Variants in CDH26 observed in about 807,000 individuals in gnomAD.
The protein encoded by CDH26 is cadherin-like protein 26.
A neutral mutation model predicts 90.3 loss-of-function variants in CDH26; 83 were observed. The ratio of observed to expected loss-of-function variants is 0.92; its 90% CI spans 0.77 to 1.10. The LOEUF is 1.10. Among genes scored for constraint, CDH26 ranks in the 50% least tolerant of loss-of-function variants. The pLI, the probability that CDH26 is intolerant of heterozygous loss-of-function variation, is 0.00. For missense variants in CDH26, 1,013 were observed against 1,037.6 expected (o/e 0.98, Z 0.33); for synonymous variants, 397 against 396.3 (o/e 1.00, Z -0.02).
In CDH26 at chr20:59,992,471, TCA is replaced by T. The variant is rs749079393; in HGVS notation, c.1378_1379del (p.His460CysfsTer3). 4 of 1,614,130 alleles carry T rather than the reference TCA, an allele frequency of 2.5e-6. No individual in the cohort carries two copies. In the South Asian group the frequency reaches 4.4e-5, roughly 18 times the overall value. ...TGGAGCCAATTGACCGAGAATCCCC[TCA>T]TGTAAATAACAGTTTTTATGTAATC... ...TVEPIDRESP[H>X]VNNSFYVIII... On this transcript the variant is annotated frameshift_variant, in exon 10 of 18. Coordinates refer to ENST00000348616, the MANE Select transcript of CDH26 (RefSeq NM_177980.4). LOFTEE classifies it high-confidence loss of function. This position sits in a 1 kb window ranked among gnomAD's most constrained non-coding sequence, Gnocchi z 5.0.
chr20:59,964,443 C>T (rs546628425), intron 1 of CDH26, among the ~76,000 whole-genome samples: 4 of 151,282 alleles, frequency 2.6e-5, no homozygotes, highest in Non-Finnish European at 4.4e-5. Flanking sequence ...CCCCCGCCCC[C>T]GACCCCAGGC....
chr20:59,994,513 G>T, intron 11 of CDH26, 24 bp downstream of exon 11: 1 of 1,609,624 alleles, frequency 6.2e-7, no homozygotes. Context: ...TTGGTTACGG[G>T]CAAAGAGTGG....
At chr20:60,032,050 T>C (rs1251449019) in intron 8 of CDH26, among the ~76,000 whole-genome samples, 1 of 152,248 alleles carries the variant, frequency 6.6e-6, no homozygotes, top group African/African-American at 2.4e-5. Flanking sequence ...CTCACAGTAT[T>C]ATAATTCAAT....
chr20:60,005,479 T>TGTATGTATGTATGTAA (rs1298645738), intron 16 of CDH26, among the ~76,000 whole-genome samples: 1 of 77,880 alleles, frequency 1.3e-5, no homozygotes, highest in African/African-American at 5.6e-5. Context: ...TGTATATATC[T>TGTATGTATGTATGTAA]GTATGTATGT....
At chr20:59,993,066 A>C (rs2061547248) in intron 10 of CDH26, among the ~76,000 whole-genome samples, 3 of 152,208 alleles carry the variant, frequency 2.0e-5, no homozygotes, top group Admixed American at 2.0e-4. Context: ...CTGTGAACTA[A>C]AACCCAAGCT....
chr20:59,959,195 G>A (rs2061035789), intron 1 of CDH26, among the ~76,000 whole-genome samples: 1 of 152,068 alleles, frequency 6.6e-6, no homozygotes, highest in African/African-American at 2.4e-5. Flanking sequence ...TAACCTCCCA[G>A]GCTCAGGTGA....
At chr20:59,997,457 A>G (rs1186891852) in intron 13 of CDH26, among the ~76,000 whole-genome samples, 1 of 152,274 alleles carries the variant, frequency 6.6e-6, no homozygotes, top group African/African-American at 2.4e-5. Flanking sequence ...ATCAGAGAGG[A>G]TGCCTATGAA....
Position 60,013,690 on chromosome 20 carries a change from T to A in CDH26, c.*960T>A, listed in dbSNP as rs1424233942. The A allele has an allele frequency of 6.6e-6, 1 of 152,240 alleles. No individual in the cohort carries two copies. Among genetic ancestry groups the A allele is most frequent in the Non-Finnish European group, 1.5e-5 (1 of 68,042 alleles). The allele number at this position is 152,240 out of a possible 1,614,324, so 9.4% of individuals were successfully genotyped here. The stretch of plus-strand genomic sequence containing the variant: ...ATTAATGAGCAAATGCCGTCTCTCA[T>A]GCCCTAAAATAAATCAGTAGAAACA... On this transcript the variant is annotated 3_prime_UTR_variant, in exon 18 of 18. Transcript: ENST00000348616.
chr20:59,965,358 G>A (rs1183587682), intron 1 of CDH26, among the ~76,000 whole-genome samples: 2 of 152,202 alleles, frequency 1.3e-5, no homozygotes, highest in African/African-American at 2.4e-5. Flanking sequence ...TTTAGCTTAT[G>A]TGGGTTATAT....
Position 60,031,000 on chromosome 20 carries a change from C to A in CDH26, c.948-231C>A, listed in dbSNP as rs2062035752. Among the ~76,000 whole-genome samples, 1 of 152,176 alleles carries A rather than the reference C, an allele frequency of 6.6e-6. No homozygotes were observed. ...AATGGCTACTCCATAGACAAAGCAG[C>A]CTCGAGGGCTGCTGGTTGCACATTT... On this transcript the variant is annotated intron_variant, in intron 7 of 8. Coordinates refer to the CDH26 transcript ENST00000370991. This position sits in a 1 kb window ranked among gnomAD's most constrained non-coding sequence, Gnocchi z 4.0.
chr20:60,019,013 G>C (rs1458990361), downstream of CDH26, among the ~76,000 whole-genome samples: 1 of 151,838 alleles, frequency 6.6e-6, no homozygotes, highest in Non-Finnish European at 1.5e-5. Context: ...GTTTTGTTTT[G>C]TTTACAGTAC....
intron 7 of CDH26, among the ~76,000 whole-genome samples, chr20:60,020,432 C>T (rs749710604): frequency 1.4e-4 from 21 of 152,148 alleles, no homozygotes; most frequent in Non-Finnish European, 2.2e-4. Flanking sequence ...AGAGTGGGTT[C>T]ACCCTGGGCA....
At chr20:59,972,217 GGT>G (rs2061271847) in intron 4 of CDH26, 94 bp downstream of exon 4, 2 of 1,166,778 alleles carry the variant, frequency 1.7e-6, no homozygotes, top group Non-Finnish European at 2.4e-6. Flanking sequence ...CTATGTGCCA[GGT>G]TCCGGGAGAT....
downstream of CDH26, among the ~76,000 whole-genome samples, chr20:60,017,111 A>G (rs1305220946): frequency 1.3e-5 from 2 of 151,966 alleles, no homozygotes; most frequent in South Asian, 4.1e-4. Context: ...TTGGAATGAG[A>G]GTTATGCTGG....
At chr20:59,969,894 A>C (rs760207727) in intron 2 of CDH26, among the ~76,000 whole-genome samples, 188 bp from the exon 3 acceptor site, 1 of 152,238 alleles carries the variant, frequency 6.6e-6, no homozygotes, top group African/African-American at 2.4e-5. Flanking sequence ...CCCCGTGGTT[A>C]GAGATGACTC....
rs565693310 is a variant in CDH26 at position 59,992,451 on chromosome 20, C to A, written c.1357C>A (p.Pro453Thr). ...CTCCGGAGTGGTCATCACCGTGGAG[C>A]CAATTGACCGAGAATCCCCTCATGT... ...KNSGVVITVE[P>T]IDRESPHVNN... Residue 453 changes from proline (P) to threonine (T), a missense_variant, in exon 10 of 18, where the codon CCA becomes ACA. Pro to Thr is a conservative substitution (Grantham distance 38). Coordinates refer to ENST00000348616, the MANE Select transcript of CDH26 (RefSeq NM_177980.4). The surrounding 1 kb of genome is among the most constrained non-coding windows in gnomAD (Gnocchi z 5.0). 8.1e-6 allele frequency: 13 copies of A among 1,613,952 alleles called. No homozygotes were observed. The South Asian group carries it at 1.4e-4, about 18-fold the overall frequency.
chr20:59,987,077 G>A (rs2061468238), intron 7 of CDH26, among the ~76,000 whole-genome samples: 1 of 152,176 alleles, frequency 6.6e-6, no homozygotes, highest in Non-Finnish European at 1.5e-5. Flanking sequence ...ATAACCACAA[G>A]TGTCCTATTT....
At position 59,999,664 on chromosome 20, in the gene CDH26, G is replaced by A; in HGVS notation, c.2097+1G>A. ...AGCAGGACCCACGCAGGGAGTTAAG[G>A]TAACATGCCCCTTACTTGCTTCTGG... On this transcript the variant is annotated splice_donor_variant, in intron 14 of 17. Transcript: ENST00000348616. LOFTEE classifies it high-confidence loss of function. 2 of 1,613,976 alleles carry A rather than the reference G, an allele frequency of 1.2e-6. No homozygotes were observed. The highest frequency in any genetic ancestry group is 1.7e-6 in the Non-Finnish European group (2 of 1,179,870).
intron 15 of CDH26, 103 bp downstream of exon 15, chr20:60,001,514 G>A: frequency 6.7e-7 from 1 of 1,495,254 alleles, no homozygotes; most frequent in Non-Finnish European, 8.9e-7. Flanking sequence ...GATACTGTCA[G>A]AAAAAGGCAC....
Sources: gnomAD v4.1 joint callset for allele counts (sites outside exome capture counted in the v4.1 genomes callset) on GRCh38, gnomAD v4.1.1 for gene constraint, Gnocchi (gnomAD v3.1) non-coding constraint, MANE v1.5 for transcripts, NCBI Gene and HGNC (gene_info 2026-07-23, HGNC 2026-07-21) for gene names.